TNFRSF10B: variants seen among roughly 807,000 people sequenced by gnomAD.
TNFRSF10B encodes TNF receptor superfamily member 10b, also known as tumor necrosis factor receptor superfamily member 10B.
In TNFRSF10B, 35 loss-of-function variants were observed where a neutral mutation model predicts 41.4. That is an observed-to-expected ratio of 0.85 (90% CI 0.65 to 1.12). The LOEUF is 1.12. TNFRSF10B is among the 50% of genes most tolerant of loss of function. TNFRSF10B has a pLI of 0.00. For synonymous variants in TNFRSF10B, 230 were observed against 215.5 expected, an observed-to-expected ratio of 1.07 and a Z score of -0.59; for missense variants, 584 against 552.7, an observed-to-expected ratio of 1.06 and a Z score of -0.57.
chr8:23,021,129 T>C lies in TNFRSF10B; in HGVS notation c.*1542A>G, dbSNP rs770948620. The C allele has an allele frequency of 2.9e-5, 13 of 454,000 alleles. No homozygotes were observed. Among genetic ancestry groups the C allele is most frequent in the South Asian group, 2.0e-4 (13 of 64,484 alleles). 28.1% of individuals were successfully genotyped at this position (454,000 alleles called of 1,614,324 possible). Reference sequence around the variant, plus strand: ...ACTACCTGCATAAATGATCCTTCCATGACTGAAATACTATGGAGAAGGGTT... The same window carrying C: ...ACTACCTGCATAAATGATCCTTCCACGACTGAAATACTATGGAGAAGGGTT... On this transcript the variant is annotated 3_prime_UTR_variant, in exon 9 of 9. Coordinates refer to ENST00000276431, the MANE Select transcript of TNFRSF10B (RefSeq NM_003842.5).
intron 1 of TNFRSF10B, among the ~76,000 whole-genome samples, chr8:23,047,939 G>A (rs1311237595): frequency 1.3e-5 from 2 of 152,184 alleles, no homozygotes; most frequent in South Asian, 2.1e-4. Flanking sequence ...CAACAGCCAA[G>A]TTATGCAATC....
chr8:23,067,905 A>G (rs1028570376), intron 1 of TNFRSF10B, among the ~76,000 whole-genome samples: 2 of 152,122 alleles, frequency 1.3e-5, no homozygotes, highest in Non-Finnish European at 2.9e-5. Context: ...AAATGTGATG[A>G]TTCAGAACCT....
intron 2 of TNFRSF10B, among the ~76,000 whole-genome samples, chr8:23,040,466 C>CAAAATATATTTATTAAAATTATAT (rs748466642): frequency 1.4e-4 from 9 of 65,824 alleles, no homozygotes; most frequent in African/African-American, 3.8e-4. Flanking sequence ...AATATATATA[C>CAAAATATATTTATTAAAATTATAT]ACAAAATATA....
chr8:23,048,354 T>C (rs1482278604), intron 1 of TNFRSF10B, among the ~76,000 whole-genome samples: 1 of 150,704 alleles, frequency 6.6e-6, no homozygotes, highest in East Asian at 2.0e-4. Context: ...GAGAATCACT[T>C]GAACCCGGGA....
chr8:23,068,183 G>A (rs1028433110), intron 1 of TNFRSF10B: 1 of 154,814 alleles, frequency 6.5e-6, no homozygotes, highest in Non-Finnish European at 1.4e-5. Flanking sequence ...AGCCGCTAAG[G>A]AGGGGAAGGG....
chr8:23,041,788 T>C (rs1812209321), intron 2 of TNFRSF10B, among the ~76,000 whole-genome samples: 1 of 152,122 alleles, frequency 6.6e-6, no homozygotes, highest in Admixed American at 6.5e-5. Flanking sequence ...TCCCTGTGGC[T>C]GGAAGGGCCA....
chr8:23,036,372 C>G (rs1812029993), intron 2 of TNFRSF10B, among the ~76,000 whole-genome samples: 3 of 152,214 alleles, frequency 2.0e-5, no homozygotes, highest in Admixed American at 1.3e-4. Flanking sequence ...ATCCCCACTC[C>G]TGCAATATTA....
chr8:23,048,209 G>T (rs537764019), intron 1 of TNFRSF10B, among the ~76,000 whole-genome samples: 1 of 152,096 alleles, frequency 6.6e-6, no homozygotes, highest in South Asian at 2.1e-4. Context: ...AAGGTAGGGT[G>T]TGGATCACCT....
At position 23,027,628 on chromosome 8, in the gene TNFRSF10B, T is replaced by G. The variant is rs574006657; in HGVS notation, c.780+94A>C. On this transcript the variant is annotated intron_variant, in intron 6 of 8. Transcript: ENST00000276431. ...CCACTTCAGAGAGTCAGGGCAGCCATGAGGACAATGGGGACCCACCCACCC... is the reference window on the plus strand; with the variant it reads ...CCACTTCAGAGAGTCAGGGCAGCCAGGAGGACAATGGGGACCCACCCACCC... 3.1e-5 allele frequency: 48 copies of G among 1,564,364 alleles called. No homozygotes were observed. In the South Asian group the frequency reaches 4.6e-4, roughly 15 times the overall value.
intron 1 of TNFRSF10B, among the ~76,000 whole-genome samples, chr8:23,044,940 G>A (rs1304305840): frequency 6.6e-6 from 1 of 151,828 alleles, no homozygotes; most frequent in Non-Finnish European, 1.5e-5. Flanking sequence ...AGGAGGCCAG[G>A]TGCAGTGGCT....
intron 7 of TNFRSF10B, among the ~76,000 whole-genome samples, chr8:23,025,372 C>T (rs925737397): frequency 2.6e-5 from 4 of 152,006 alleles, no homozygotes; most frequent in Non-Finnish European, 5.9e-5. Flanking sequence ...ATTCCTAGAA[C>T]CATGTATTAA....
intron 1 of TNFRSF10B, among the ~76,000 whole-genome samples, chr8:23,052,958 C>T (rs544937979): frequency 6.6e-6 from 1 of 152,170 alleles, no homozygotes; most frequent in East Asian, 1.9e-4. Flanking sequence ...AAATTCTTGT[C>T]CTAAAGTAAA....
At chr8:23,023,637 C>T (rs1323981889) in intron 8 of TNFRSF10B, among the ~76,000 whole-genome samples, 1 of 152,144 alleles carries the variant, frequency 6.6e-6, no homozygotes, top group Non-Finnish European at 1.5e-5. Context: ...CTATGTTTTC[C>T]AACAGCCTTA....
At position 23,022,929 on chromosome 8, in the gene TNFRSF10B, C is replaced by T. The variant is rs1279234909; in HGVS notation, c.1065G>A (p.Glu355=). ...TGAGGCCCAACTTCCTCATGAGCGGCTCCCAGGAGTCAAAGGGCACCAAGT... is the reference window on the plus strand; with the variant it reads ...TGAGGCCCAACTTCCTCATGAGCGGTTCCCAGGAGTCAAAGGGCACCAAGT... The part of the protein sequence containing the change: ...FADLVPFDSW[E]PLMRKLGLMD... Residue 355 remains glutamate, a synonymous_variant, in exon 9 of 9, where the codon GAG becomes GAA. Transcript: ENST00000276431. 2 of 1,614,010 alleles carry T rather than the reference C, an allele frequency of 1.2e-6. No homozygotes were observed. Among genetic ancestry groups the T allele is most frequent in the Middle Eastern group, 1.6e-4 (1 of 6,062 alleles).
At chr8:23,025,403 G>A (rs1433087142) in intron 7 of TNFRSF10B, among the ~76,000 whole-genome samples, 1 of 152,134 alleles carries the variant, frequency 6.6e-6, no homozygotes, top group Non-Finnish European at 1.5e-5. Context: ...TATTTGTAAA[G>A]TCTAGTGACT....
intron 1 of TNFRSF10B, among the ~76,000 whole-genome samples, chr8:23,057,822 T>A (rs990360912): frequency 2.0e-5 from 3 of 152,220 alleles, no homozygotes; most frequent in African/African-American, 7.2e-5. Context: ...TCATGTCTTA[T>A]AATATTCTTT....
intron 1 of TNFRSF10B, among the ~76,000 whole-genome samples, chr8:23,048,690 G>GT (rs746351640): frequency 6.6e-6 from 1 of 152,202 alleles, no homozygotes; most frequent in African/African-American, 2.4e-5. Context: ...TATTTGAGGT[G>GT]TTGGACATAT....
intron 1 of TNFRSF10B, among the ~76,000 whole-genome samples, chr8:23,060,898 A>AT (rs1812813290): frequency 6.6e-6 from 1 of 151,874 alleles, no homozygotes. Context: ...TTGTAAATGG[A>AT]TTTTTTCCTA....
At chr8:23,054,375 C>T (rs1022405478) in intron 1 of TNFRSF10B, among the ~76,000 whole-genome samples, 6 of 152,186 alleles carry the variant, frequency 3.9e-5, no homozygotes, top group African/African-American at 1.4e-4. Flanking sequence ...CACCTTTTAA[C>T]ATTTAAGTAC....
Sources: allele counts gnomAD v4.1 joint callset (sites outside exome capture counted in the v4.1 genomes callset), GRCh38; gene constraint gnomAD v4.1.1; transcripts MANE v1.5; gene names NCBI Gene and HGNC (gene_info 2026-07-23, HGNC 2026-07-21).